C10orf90: variants seen among roughly 807,000 people sequenced by gnomAD.
The protein encoded by C10orf90 is (E2-independent) E3 ubiquitin-conjugating enzyme FATS.
C10orf90 carries 56 observed loss-of-function variants against 62.5 expected under a neutral mutation model. The observed-to-expected ratio is 0.90, with a 90% CI of 0.72 to 1.12. C10orf90 has a LOEUF of 1.12. Ranked by LOEUF, C10orf90 falls within the 50% of genes most tolerant of loss-of-function variation. The pLI is 0.00. For synonymous variants in C10orf90, 386 were observed against 340.4 expected (o/e 1.13, Z -1.47); for missense variants, 970 against 880.4 (o/e 1.10, Z -1.29).
intron 2 of C10orf90, among the ~76,000 whole-genome samples, chr10:126,519,112 G>A (rs1256362752): frequency 6.6e-6 from 1 of 152,176 alleles, no homozygotes; most frequent in Non-Finnish European, 1.5e-5. Flanking sequence ...AAGTTGGTGG[G>A]AGGGAGGAGA....
chr10:126,463,197 C>T (rs1860098487), intron 5 of C10orf90: 1 of 152,746 alleles, frequency 6.5e-6, no homozygotes, highest in African/African-American at 2.4e-5. Context: ...ACCATTCTCC[C>T]CAGCACCAGA....
At chr10:126,538,375 G>C (rs143274273) in intron 2 of C10orf90, among the ~76,000 whole-genome samples, 2 of 152,288 alleles carry the variant, frequency 1.3e-5, no homozygotes, top group African/African-American at 2.4e-5. Flanking sequence ...GCTTTTGCCA[G>C]CCACCAAGGA....
chr10:126,516,785 C>T (rs533493143), intron 2 of C10orf90, among the ~76,000 whole-genome samples: 33 of 152,256 alleles, frequency 2.2e-4, no homozygotes, highest in East Asian at 1.5e-3. Flanking sequence ...TGGCCTCACT[C>T]GGCTAAAATC....
intron 1 of C10orf90, among the ~76,000 whole-genome samples, chr10:126,666,975 G>T: frequency 6.8e-6 from 1 of 146,270 alleles, no homozygotes; most frequent in African/African-American, 2.6e-5. Flanking sequence ...GTGAGACCCT[G>T]TCTCAAAAAA....
chr10:126,645,167 C>T (rs530927500), intron 2 of C10orf90, among the ~76,000 whole-genome samples: 3 of 148,810 alleles, frequency 2.0e-5, no homozygotes, highest in Non-Finnish European at 3.0e-5. Flanking sequence ...TGCTAGATGA[C>T]GAGTTAGTGG....
In C10orf90 at chr10:126,504,672, C is replaced by T. The variant is rs141419504; in HGVS notation, c.819G>A (p.Ala273=). The T allele has an allele frequency of 3.1e-6, 5 of 1,614,036 alleles. No homozygotes were observed. The highest frequency in any genetic ancestry group is 4.2e-6 in the Non-Finnish European group (5 of 1,179,958). ...GGGCGCCATTGGCCAGAGCCGGGGG[C>T]GCCTGGAACAGTGTGTCCTCAGCCC... is the stretch of plus-strand genomic sequence containing the variant. ...KCRAEDTLFQ[A]PPALANGAHP... is the part of the protein sequence containing the mutation. Residue 273 remains alanine, a synonymous_variant, in exon 4 of 10, where the codon GCG becomes GCA. Transcript: ENST00000488181. This position sits in a 1 kb window ranked among gnomAD's most constrained non-coding sequence, Gnocchi z 4.1.
intron 2 of C10orf90, among the ~76,000 whole-genome samples, chr10:126,547,201 G>T (rs935213397): frequency 6.6e-6 from 1 of 151,868 alleles, no homozygotes; most frequent in African/African-American, 2.4e-5. Context: ...GGGCGGATCA[G>T]GAGGTCAGGA....
At chr10:126,635,009 G>A (rs966860960) in intron 2 of C10orf90, among the ~76,000 whole-genome samples, 1 of 152,172 alleles carries the variant, frequency 6.6e-6, no homozygotes, top group Non-Finnish European at 1.5e-5. Context: ...TTTCAAAGCT[G>A]TCCAAGAACA....
At chr10:126,557,495 A>AG (rs1864805035) in intron 2 of C10orf90, among the ~76,000 whole-genome samples, 1 of 149,956 alleles carries the variant, frequency 6.7e-6, no homozygotes, top group Non-Finnish European at 1.5e-5. Context: ...AAAAAAAAAA[A>AG]GTTACCAAAA....
chr10:126,504,764 G>T lies in C10orf90; in HGVS notation c.727C>A (p.Arg243Ser). The part of the protein sequence containing the change: ...GFASITITAR[R>S]VGPPARALVW... Reference sequence around the variant, plus strand: ...AGGGCGCGGGCTGGGGGGCCCACGCGTCTGGCCGTGATGGTGATGGATGCA... The same window carrying T: ...AGGGCGCGGGCTGGGGGGCCCACGCTTCTGGCCGTGATGGTGATGGATGCA... The change falls in exon 4 of 10, where the codon CGC becomes AGC. Residue 243 changes from arginine (R) to serine (S), a missense_variant. By Grantham distance (110) the Arg-to-Ser change is moderately radical. Coordinates refer to ENST00000488181, the MANE Select transcript of C10orf90 (RefSeq NM_001350921.2). This position sits in a 1 kb window ranked among gnomAD's most constrained non-coding sequence, Gnocchi z 4.1. 1 of 1,587,056 alleles carries T rather than the reference G, an allele frequency of 6.3e-7. No individual in the cohort carries two copies. Among genetic ancestry groups the T allele is most frequent in the Non-Finnish European group, 8.6e-7 (1 of 1,166,272 alleles).
rs1396345013 is a variant in C10orf90 at position 126,459,042 on chromosome 10, C to T, written c.2186G>A (p.Ser729Asn). Reference protein sequence around the residue: ...KKQFTIPHPLSDNLFKPKERC... With the variant: ...KKQFTIPHPLNDNLFKPKERC... ...TCCACAAGCCACCTGCAGCTTACCA[C>T]TCAGAGGATGGGGAATCGTGAACTG... The change falls in exon 7 of 10, where the codon AGT becomes AAT. Residue 729 changes from serine to asparagine, a missense_variant and splice_region_variant. By Grantham distance (46) the Ser-to-Asn change is conservative. Transcript: ENST00000488181. 1 of 1,611,334 alleles carries T rather than the reference C, an allele frequency of 6.2e-7. No homozygotes were observed. The highest frequency in any genetic ancestry group is 8.5e-7 in the Non-Finnish European group (1 of 1,179,204).
chr10:126,429,722 T>C, intron 8 of C10orf90, 65 bp downstream of exon 8: 6 of 1,373,524 alleles, frequency 4.4e-6, no homozygotes, highest in Non-Finnish European at 6.2e-6. Context: ...GGAGGGCACC[T>C]GAAGCCATCA....
At chr10:126,526,889 T>C (rs1863966786) in intron 2 of C10orf90, among the ~76,000 whole-genome samples, 1 of 152,170 alleles carries the variant, frequency 6.6e-6, no homozygotes, top group Non-Finnish European at 1.5e-5. Context: ...CTATAACACG[T>C]ATCAGGACAT....
At position 126,453,700 on chromosome 10, in the gene C10orf90, TG is replaced by T. The variant is rs1363588969; in HGVS notation, c.2188+5339del. ...AGTAATTCATAACAAAGTGCTCGGC[TG>T]AGAGATGAAAGCCACCAGAGCCCAG... is the stretch of plus-strand genomic sequence containing the variant. On this transcript the variant is annotated intron_variant, in intron 7 of 9. Transcript: ENST00000488181. This position sits in a 1 kb window ranked among gnomAD's most constrained non-coding sequence, Gnocchi z 4.9. Among the ~76,000 whole-genome samples, 1 of 152,028 alleles carries T rather than the reference TG, an allele frequency of 6.6e-6. No homozygotes were observed. Among genetic ancestry groups the T allele is most frequent in the Non-Finnish European group, 1.5e-5 (1 of 68,006 alleles).
Position 126,506,943 on chromosome 10 carries a change from TGC to T in C10orf90, c.406-1860_406-1859del, listed in dbSNP as rs1307750688. Among the ~76,000 whole-genome samples, 8 of 149,650 alleles carry T rather than the reference TGC, an allele frequency of 5.3e-5. No individual in the cohort carries two copies. The East Asian group carries it at 1.6e-3, about 30-fold the overall frequency. ...CAGTGTGTGTGTGTGTGTGTGTGTG[TGC>T]GTGCGTGTGTGATCTTAGCCACCTG... On this transcript the variant is annotated intron_variant, in intron 3 of 9. Transcript: ENST00000488181.
At chr10:126,439,832 C>T (rs1012470621) in intron 7 of C10orf90, among the ~76,000 whole-genome samples, 3 of 152,204 alleles carry the variant, frequency 2.0e-5, no homozygotes, top group African/African-American at 7.2e-5. Flanking sequence ...AAAGAGCTCA[C>T]TTTTGCATTA....
Position 126,565,093 on chromosome 10 carries a change from T to TAAATATGTA in C10orf90, c.314-51155_314-51154insTACATATTT, listed in dbSNP as rs1844313638. On this transcript the variant is annotated intron_variant, in intron 2 of 9. Coordinates refer to ENST00000488181, the MANE Select transcript of C10orf90 (RefSeq NM_001350921.2). ...TATATATAATATATAAAATATATATTATATAATATATAAAATATATATTAT... is the reference window on the plus strand; with the variant it reads ...TATATATAATATATAAAATATATATTAAATATGTAATATAATATATAAAATATATATTAT... Among the ~76,000 whole-genome samples the TAAATATGTA allele has an allele frequency of 1.7e-4, 2 of 11,700 alleles. 1 individual carries two copies. Among genetic ancestry groups the TAAATATGTA allele is most frequent in the Non-Finnish European group, 3.6e-4 (2 of 5,496 alleles). The allele number at this position is 11,700 out of a possible 152,430, so 7.7% of individuals were successfully genotyped here.
intron 1 of C10orf90, among the ~76,000 whole-genome samples, chr10:126,652,301 A>G (rs74158864): frequency 0.059 from 8,995 of 152,242 alleles, 826 homozygotes; most frequent in African/African-American, 0.2. Context: ...TTTCATTTAG[A>G]TTCTCAATTG....
chr10:126,592,159 A>G (rs1367871172), intron 2 of C10orf90, among the ~76,000 whole-genome samples: 2 of 152,180 alleles, frequency 1.3e-5, no homozygotes, highest in Non-Finnish European at 2.9e-5. Context: ...TTCCCATTAA[A>G]CTACCATTGA....
Sources: allele counts gnomAD v4.1 joint callset (sites outside exome capture counted in the v4.1 genomes callset), GRCh38; gene constraint gnomAD v4.1.1; non-coding constraint Gnocchi (gnomAD v3.1); transcripts MANE v1.5; gene names NCBI Gene and HGNC (gene_info 2026-07-23, HGNC 2026-07-21).